SETBP1: variants seen among roughly 807,000 people sequenced by gnomAD.
The protein encoded by SETBP1 is SET-binding protein.
A neutral mutation model predicts 101.0 loss-of-function variants in SETBP1; 9 were observed. The observed-to-expected ratio is 0.09, with a 90% CI of 0.05 to 0.16. The LOEUF (loss-of-function observed/expected upper bound fraction) is 0.16. Ranked by LOEUF, SETBP1 falls within the 10% of genes least tolerant of loss-of-function variation. SETBP1 has a pLI of 1.00. For synonymous variants in SETBP1, 818 were observed against 788.5 expected, an observed-to-expected ratio of 1.04 and a Z score of -0.63; for missense variants, 1,858 against 2,033.8, an observed-to-expected ratio of 0.91 and a Z score of 1.66.
At chr18:45,042,706 T>C (rs541812922) in intron 5 of SETBP1, among the ~76,000 whole-genome samples, 1 of 152,228 alleles carries the variant, frequency 6.6e-6, no homozygotes, top group Admixed American at 6.5e-5. Context: ...TTTCAGGCAA[T>C]TTTTTTACCT....
intron 2 of SETBP1, among the ~76,000 whole-genome samples, chr18:44,835,415 T>A (rs1319545289): frequency 1.3e-5 from 2 of 152,152 alleles, no homozygotes; most frequent in Non-Finnish European, 2.9e-5. Flanking sequence ...ATTCCCTGCC[T>A]GTGCTCATGC....
At chr18:45,028,040 T>C (rs554606160) in intron 4 of SETBP1, among the ~76,000 whole-genome samples, 1 of 152,276 alleles carries the variant, frequency 6.6e-6, no homozygotes, top group East Asian at 1.9e-4. Flanking sequence ...CTTTAAGTTT[T>C]AGGGTACATG....
intron 1 of SETBP1, among the ~76,000 whole-genome samples, chr18:44,684,606 A>G (rs1315226937): frequency 7.7e-6 from 1 of 129,100 alleles, no homozygotes; most frequent in Non-Finnish European, 1.7e-5. Context: ...TTTTTTGCCC[A>G]TTAGAGGGTA....
chr18:45,044,992 C>T (rs1488413053), intron 5 of SETBP1, among the ~76,000 whole-genome samples: 1 of 152,160 alleles, frequency 6.6e-6, no homozygotes, highest in Non-Finnish European at 1.5e-5. Flanking sequence ...AACATAAAAG[C>T]TGGCAGATTG....
At chr18:44,917,129 G>T (rs1188497381) in intron 3 of SETBP1, among the ~76,000 whole-genome samples, 9 of 152,330 alleles carry the variant, frequency 5.9e-5, no homozygotes, top group Admixed American at 4.6e-4. Context: ...ATGTCCCTCT[G>T]AGTAGATATC....
At position 44,915,851 on chromosome 18, in the gene SETBP1, AG is replaced by A. The variant is rs1341662425; in HGVS notation, c.541-34026del. Among the ~76,000 whole-genome samples the A allele has an allele frequency of 2.6e-5, 4 of 152,344 alleles. 1 individual carries two copies. The South Asian group carries it at 8.3e-4, about 32-fold the overall frequency. ...CATTTTACAGATGAGGAAACAGGGC[AG>A]GGGCAAAGAGACTAGATGTTCCATA... On this transcript the variant is annotated intron_variant, in intron 3 of 5. Coordinates refer to ENST00000649279, the MANE Select transcript of SETBP1 (RefSeq NM_015559.3).
At chr18:44,730,338 G>C (rs1404521207) in intron 2 of SETBP1, among the ~76,000 whole-genome samples, 3 of 152,176 alleles carry the variant, frequency 2.0e-5, no homozygotes, top group Non-Finnish European at 2.9e-5. Flanking sequence ...ATACTGGGGA[G>C]GTAAGAGTTT....
intron 4 of SETBP1, among the ~76,000 whole-genome samples, chr18:45,033,493 T>C (rs986814296): frequency 1.3e-5 from 2 of 152,184 alleles, no homozygotes; most frequent in African/African-American, 4.8e-5. Context: ...AACTGCTCAA[T>C]ATAACTCCCA....
In SETBP1 at chr18:44,868,730, GGA is replaced by G. The variant is rs1444485887; in HGVS notation, c.487-499_487-498del. Among the ~76,000 whole-genome samples the G allele has an allele frequency of 6.0e-4, 30 of 49,994 alleles. 1 individual carries two copies. The highest frequency in any genetic ancestry group is 1.7e-4 in the Non-Finnish European group (3 of 18,150). 32.8% of individuals were successfully genotyped at this position (49,994 alleles called of 152,430 possible). On this transcript the variant is annotated intron_variant, in intron 2 of 5. Coordinates refer to ENST00000649279, the MANE Select transcript of SETBP1 (RefSeq NM_015559.3). ...AGGAAGGGAGGAAGGAAGGAAGGAA[GGA>G]AGGAAGGAAGGAAGGAAGGAAGGAA...
chr18:44,799,982 C>G (rs1030563524), intron 2 of SETBP1, among the ~76,000 whole-genome samples: 1 of 152,182 alleles, frequency 6.6e-6, no homozygotes, highest in Non-Finnish European at 1.5e-5. Context: ...CTTTCATCTC[C>G]TTTTCAGGTC....
At chr18:44,881,353 G>A (rs2069526163) in intron 3 of SETBP1, among the ~76,000 whole-genome samples, 2 of 152,178 alleles carry the variant, frequency 1.3e-5, no homozygotes, top group African/African-American at 4.8e-5. Context: ...GTGGGTAAGA[G>A]GAGACGGGAG....
Position 44,932,094 on chromosome 18 carries a change from T to C in SETBP1, c.541-17787T>C, listed in dbSNP as rs180799042. ...GGCTGGTACTGGTTGTTCCTTTCCA[T>C]GTTTAGTGCTTCCTTCAGGAGCTCC... is the stretch of plus-strand genomic sequence containing the variant. On this transcript the variant is annotated intron_variant, in intron 3 of 5. Coordinates refer to ENST00000649279, the MANE Select transcript of SETBP1 (RefSeq NM_015559.3). Among the ~76,000 whole-genome samples the C allele has an allele frequency of 2.3e-3, 345 of 152,328 alleles. 1 individual carries two copies. Among genetic ancestry groups the C allele is most frequent in the African/African-American group, 7.9e-3 (327 of 41,568 alleles).
intron 2 of SETBP1, among the ~76,000 whole-genome samples, chr18:44,790,416 T>C (rs888901632): frequency 6.6e-6 from 1 of 152,228 alleles, no homozygotes; most frequent in Non-Finnish European, 1.5e-5. Flanking sequence ...ATTTATTAGA[T>C]AATCATACAT....
At chr18:44,980,910 G>A (rs769827744) in intron 4 of SETBP1, among the ~76,000 whole-genome samples, 3 of 152,150 alleles carry the variant, frequency 2.0e-5, no homozygotes, top group Non-Finnish European at 4.4e-5. Flanking sequence ...TTTGGCCTTC[G>A]CAGATCAGTA....
intron 2 of SETBP1, among the ~76,000 whole-genome samples, chr18:44,832,976 C>A (rs1317374825): frequency 1.3e-5 from 2 of 152,336 alleles, no homozygotes; most frequent in East Asian, 3.9e-4. Flanking sequence ...GACCCATCAC[C>A]TCTGGGTCCA....
At chr18:44,906,529 T>C (rs1298325223) in intron 3 of SETBP1, among the ~76,000 whole-genome samples, 1 of 152,180 alleles carries the variant, frequency 6.6e-6, no homozygotes, top group Non-Finnish European at 1.5e-5. Flanking sequence ...CCTCCTCTCT[T>C]TTAAGAAGAA....
chr18:44,927,563 G>A (rs866858797), intron 3 of SETBP1, among the ~76,000 whole-genome samples: 52 of 152,294 alleles, frequency 3.4e-4, no homozygotes, highest in Admixed American at 2.3e-3. Flanking sequence ...TATACTCCAG[G>A]AAGGCAGAGA....
chr18:44,693,573 A>C (rs1263137840), intron 1 of SETBP1, among the ~76,000 whole-genome samples: 2 of 152,088 alleles, frequency 1.3e-5, no homozygotes, highest in Non-Finnish European at 2.9e-5. Context: ...CCATGAAGTC[A>C]CTTGTGACTC....
At chr18:45,043,978 A>G (rs773144946) in intron 5 of SETBP1, among the ~76,000 whole-genome samples, 17 of 152,346 alleles carry the variant, frequency 1.1e-4, no homozygotes, top group Admixed American at 2.6e-4. Context: ...TAAGGAAGTA[A>G]TATCCAGCTA....
Sources: gnomAD v4.1 joint callset for allele counts (sites outside exome capture counted in the v4.1 genomes callset) on GRCh38, gnomAD v4.1.1 for gene constraint, MANE v1.5 for transcripts, NCBI Gene and HGNC (gene_info 2026-07-23, HGNC 2026-07-21) for gene names.